The following CCDC38 variants were observed in gnomAD, a reference collection of about 807,000 sequenced individuals.
The protein encoded by CCDC38 is coiled-coil domain-containing protein 38.
Under a neutral mutation model 72.8 loss-of-function variants are expected in CCDC38, and 69 were observed. The observed-to-expected ratio is 0.95, with a 90% CI of 0.78 to 1.16. The LOEUF (loss-of-function observed/expected upper bound fraction) is 1.16. Ranked by LOEUF, CCDC38 falls within the 50% of genes most tolerant of loss-of-function variation. The pLI is 0.00. For missense variants in CCDC38, 626 were observed against 638.9 expected (o/e 0.98, Z 0.22); for synonymous variants, 201 against 213.2 (o/e 0.94, Z 0.50).
intron 5 of CCDC38, among the ~76,000 whole-genome samples, chr12:95,901,170 T>A (rs1218554073): frequency 1.3e-5 from 2 of 152,198 alleles, no homozygotes; most frequent in African/African-American, 4.8e-5. Flanking sequence ...TATGGATATA[T>A]TTTGAAAAAG....
At chr12:95,904,105 A>T (rs2079977356) in intron 5 of CCDC38, among the ~76,000 whole-genome samples, 2 of 152,174 alleles carry the variant, frequency 1.3e-5, no homozygotes, top group African/African-American at 4.8e-5. Context: ...AGGCTTTGGT[A>T]GTTTGCATCT....
In CCDC38 at chr12:95,881,458, T is replaced by G. The variant is rs766784096; in HGVS notation, c.990+27A>C. 5 of 1,559,172 alleles carry G rather than the reference T, an allele frequency of 3.2e-6. No homozygotes were observed. The South Asian group carries it at 5.8e-5, about 18-fold the overall frequency. On this transcript the variant is annotated intron_variant, in intron 11 of 15. Transcript: ENST00000344280. ...CAGTATTTTTCACCAAACCCAATAT[T>G]TAAACTAGCAAATATAATCTGGTTA...
intron 2 of CCDC38, among the ~76,000 whole-genome samples, chr12:95,931,749 A>G (rs1177336709): frequency 4.6e-5 from 7 of 152,254 alleles, no homozygotes; most frequent in Non-Finnish European, 2.9e-5. Context: ...AATATAATAA[A>G]GTAACTTTTA....
chr12:95,908,335 G>C (rs1279387242), intron 4 of CCDC38, among the ~76,000 whole-genome samples: 1 of 149,654 alleles, frequency 6.7e-6, no homozygotes, highest in Non-Finnish European at 1.5e-5. Context: ...GGCGGCGCGC[G>C]CCTGCAATCG....
chr12:95,908,009 C>T (rs1484471983), intron 4 of CCDC38, among the ~76,000 whole-genome samples: 1 of 152,090 alleles, frequency 6.6e-6, no homozygotes, highest in Non-Finnish European at 1.5e-5. Context: ...GGCGGCCAGG[C>T]AGAGACGCTC....
chr12:95,900,436 AAT>A (rs1184030063), intron 5 of CCDC38, among the ~76,000 whole-genome samples: 5 of 152,222 alleles, frequency 3.3e-5, no homozygotes, highest in African/African-American at 1.2e-4. Flanking sequence ...GTCTCCAAAC[AAT>A]ATGTTGACAT....
chr12:95,894,889 T>A, intron 8 of CCDC38, 100 bp downstream of exon 8: 1 of 989,570 alleles, frequency 1.0e-6, no homozygotes, highest in South Asian at 1.7e-5. Flanking sequence ...TTAGTTTAGA[T>A]CCTGCTTAAA....
At chr12:95,869,209 A>C (rs915266357) in intron 15 of CCDC38, among the ~76,000 whole-genome samples, 2 of 152,188 alleles carry the variant, frequency 1.3e-5, no homozygotes, top group Admixed American at 1.3e-4. Context: ...CCAAAAAACA[A>C]GAAAAAAATT....
At chr12:95,906,277 C>T in intron 5 of CCDC38, 110 bp downstream of exon 5, 2 of 763,732 alleles carry the variant, frequency 2.6e-6, no homozygotes, top group Non-Finnish European at 4.4e-6. Flanking sequence ...ACCTGTTCAA[C>T]CAATAGATTT....
intron 1 of CCDC38, among the ~76,000 whole-genome samples, chr12:95,939,179 G>C (rs963520084): frequency 2.6e-5 from 4 of 152,206 alleles, no homozygotes; most frequent in Admixed American, 6.5e-5. Flanking sequence ...CTATGGGAGT[G>C]TAAGCACATG....
chr12:95,880,083 G>A (rs193133249), intron 11 of CCDC38: 4 of 215,902 alleles, frequency 1.9e-5, no homozygotes, highest in Admixed American at 1.1e-4. Flanking sequence ...AGGCAAGTGC[G>A]GGAAAAAGGG....
chr12:95,878,902 T>G (rs2079667538), intron 12 of CCDC38, among the ~76,000 whole-genome samples: 1 of 152,222 alleles, frequency 6.6e-6, no homozygotes, highest in Admixed American at 6.5e-5. Context: ...AGCTGTGAGA[T>G]AATGATTTTT....
At chr12:95,889,730 A>G (rs1262604621) in intron 9 of CCDC38, among the ~76,000 whole-genome samples, 1 of 152,132 alleles carries the variant, frequency 6.6e-6, no homozygotes. Flanking sequence ...AGATGGATAC[A>G]GGGAAGGGCA....
rs144956990 is a variant in CCDC38 at position 95,872,288 on chromosome 12, A to G, written c.1451T>C (p.Ile484Thr). ...CCATTCTTTCTGTTTCATCCTCTCA[A>G]TTGCCTCCACATTTTCTTTGGGAAT... ...ESIPKENVEA[I>T]ERMKQKEWRQ... is the part of the protein sequence containing the mutation. Residue 484 changes from isoleucine to threonine, a missense_variant, in exon 14 of 16, where the codon ATT (isoleucine) becomes ACT (threonine). Ile to Thr is a moderately conservative substitution (Grantham distance 89). Coordinates refer to ENST00000344280, the MANE Select transcript of CCDC38 (RefSeq NM_182496.3). The G allele has an allele frequency of 9.0e-5, 145 of 1,613,988 alleles. No individual in the cohort carries two copies. The highest frequency in any genetic ancestry group is 1.6e-4 in the Middle Eastern group (1 of 6,062).
chr12:95,907,860 G>A (rs912303051), intron 4 of CCDC38, among the ~76,000 whole-genome samples: 1 of 151,404 alleles, frequency 6.6e-6, no homozygotes, highest in Non-Finnish European at 1.5e-5. Flanking sequence ...GGGCAGAGAC[G>A]CTCCTCACTT....
At chr12:95,927,899 G>A (rs1485810618) in intron 2 of CCDC38, among the ~76,000 whole-genome samples, 1 of 149,780 alleles carries the variant, frequency 6.7e-6, no homozygotes, top group African/African-American at 2.5e-5. Context: ...GGTTTCTGCC[G>A]AGAGATCCAC....
At chr12:95,886,498 A>G (rs774155085) in intron 10 of CCDC38, among the ~76,000 whole-genome samples, 1 of 152,206 alleles carries the variant, frequency 6.6e-6, no homozygotes, top group Non-Finnish European at 1.5e-5. Flanking sequence ...TTCACTCTGC[A>G]AAAGACCCTA....
chr12:95,923,325 A>T (rs2080229157), intron 2 of CCDC38, among the ~76,000 whole-genome samples: 1 of 152,056 alleles, frequency 6.6e-6, no homozygotes, highest in African/African-American at 2.4e-5. Context: ...AGTTCTGCCT[A>T]ATACAGTGGT....
Position 95,879,700 on chromosome 12 carries a change from A to T in CCDC38, c.1086T>A (p.Asp362Glu). 1 of 1,608,800 alleles carries T rather than the reference A, an allele frequency of 6.2e-7. No homozygotes were observed. The highest frequency in any genetic ancestry group is 8.5e-7 in the Non-Finnish European group (1 of 1,175,456). Residue 362 changes from aspartate to glutamate, a missense_variant, in exon 12 of 16, where the codon GAT becomes GAA. By Grantham distance (45) the Asp-to-Glu change is conservative. Transcript: ENST00000344280. The surrounding 1 kb of genome is among the most constrained non-coding windows in gnomAD (Gnocchi z 5.5). ...QNLTLFQYSQ[D>E]VDENLEEVNK... The stretch of plus-strand genomic sequence containing the variant: ...TTACCTCTTCAAGATTTTCATCTAC[A>T]TCTTGGGAATATTGAAACAAAGTAA...
Sources: gnomAD v4.1 joint callset for allele counts (sites outside exome capture counted in the v4.1 genomes callset) on GRCh38, gnomAD v4.1.1 for gene constraint, Gnocchi (gnomAD v3.1) non-coding constraint, MANE v1.5 for transcripts, NCBI Gene and HGNC (gene_info 2026-07-23, HGNC 2026-07-21) for gene names.